Variants in SYT9 observed in about 807,000 individuals in gnomAD.
SYT9 encodes the protein synaptotagmin-9.
A neutral mutation model predicts 48.4 loss-of-function variants in SYT9; 22 were observed. The observed-to-expected ratio is 0.45, with a 90% CI of 0.32 to 0.65. The LOEUF (loss-of-function observed/expected upper bound fraction) is 0.65. Ranked by LOEUF, SYT9 falls within the 30% of genes least tolerant of loss-of-function variation. SYT9 has a pLI of 0.03. For missense variants in SYT9, 577 were observed against 622.0 expected (o/e 0.93, Z 0.77); for synonymous variants, 265 against 245.0 (o/e 1.08, Z -0.76).
intron 3 of SYT9, among the ~76,000 whole-genome samples, chr11:7,330,873 T>C (rs1220910169): frequency 6.6e-6 from 1 of 152,106 alleles, no homozygotes. Flanking sequence ...ATTTTTGTAT[T>C]TTTAGTAGAG....
At chr11:7,370,043 C>T (rs968171767) in intron 3 of SYT9, among the ~76,000 whole-genome samples, 1 of 151,986 alleles carries the variant, frequency 6.6e-6, no homozygotes, top group Non-Finnish European at 1.5e-5. Context: ...TTCTATCGCT[C>T]ACCCCACTCC....
In SYT9 at chr11:7,416,092, G is replaced by T. The variant is rs767582960; in HGVS notation, c.1095G>T (p.Thr365=). Reference sequence around the variant, plus strand: ...TGTTTTCCCTGTGCTATCTTCCAACGGCTGGCAGGCTGACCATTACCATTA... The same window carrying T: ...TGTTTTCCCTGTGCTATCTTCCAACTGCTGGCAGGCTGACCATTACCATTA... ...ELMFSLCYLP[T]AGRLTITIIK... is the part of the protein sequence containing the mutation. The change falls in exon 4 of 7, where the codon ACG becomes ACT. Residue 365 remains threonine, a synonymous_variant. Transcript: ENST00000318881. 7 of 1,614,134 alleles carry T rather than the reference G, an allele frequency of 4.3e-6. No homozygotes were observed. In the Middle Eastern group the frequency reaches 1.2e-3, roughly 266 times the overall value.
At chr11:7,361,206 G>A (rs1366654726) in intron 3 of SYT9, among the ~76,000 whole-genome samples, 2 of 111,928 alleles carry the variant, frequency 1.8e-5, no homozygotes, top group Non-Finnish European at 3.6e-5. Flanking sequence ...GTTGCAGTTT[G>A]TCTTTTTTCC....
intron 1 of SYT9, among the ~76,000 whole-genome samples, chr11:7,274,971 A>G (rs1426361727): frequency 6.6e-6 from 1 of 151,200 alleles, no homozygotes; most frequent in Non-Finnish European, 1.5e-5. Context: ...ATTTTGGGAG[A>G]GCTTCCTGGA....
At chr11:7,400,894 C>A in intron 3 of SYT9, among the ~76,000 whole-genome samples, 1 of 152,108 alleles carries the variant, frequency 6.6e-6, no homozygotes. Context: ...TAGGTGGAGA[C>A]TGAAAGCCTG....
intron 6 of SYT9, chr11:7,454,075 G>C: frequency 1.0e-6 from 1 of 985,410 alleles, no homozygotes; most frequent in South Asian, 4.7e-5. Context: ...GTCCAGGTGA[G>C]TCGCCCCTTT....
chr11:7,445,507 A>G (rs967942081), intron 6 of SYT9, among the ~76,000 whole-genome samples: 1 of 152,092 alleles, frequency 6.6e-6, no homozygotes, highest in Non-Finnish European at 1.5e-5. Flanking sequence ...TCATGGCTCC[A>G]GCCTGGTGCT....
At chr11:7,409,652 A>C (rs1847095193) in intron 3 of SYT9, among the ~76,000 whole-genome samples, 1 of 151,926 alleles carries the variant, frequency 6.6e-6, no homozygotes, top group South Asian at 2.1e-4. Flanking sequence ...CTGGTTTGTT[A>C]GTGTACAGTT....
chr11:7,277,233 A>G (rs1848413853), intron 1 of SYT9, among the ~76,000 whole-genome samples: 1 of 152,246 alleles, frequency 6.6e-6, no homozygotes, highest in African/African-American at 2.4e-5. Flanking sequence ...TGAATAAATG[A>G]AAGAATAATG....
chr11:7,241,178 C>A (rs1158809795), intron 1 of SYT9, among the ~76,000 whole-genome samples: 1 of 151,522 alleles, frequency 6.6e-6, no homozygotes, highest in Non-Finnish European at 1.5e-5. Context: ...TTACTCTATT[C>A]CCAACAAGAA....
chr11:7,265,661 A>G (rs1014319913), intron 1 of SYT9, among the ~76,000 whole-genome samples: 2 of 125,868 alleles, frequency 1.6e-5, no homozygotes, highest in Non-Finnish European at 3.3e-5. Flanking sequence ...ACTATCTATC[A>G]TGGATTCTTT....
intron 3 of SYT9, among the ~76,000 whole-genome samples, chr11:7,387,756 A>G (rs1850689224): frequency 6.6e-6 from 1 of 152,074 alleles, no homozygotes; most frequent in South Asian, 2.1e-4. Context: ...ATTTCATCAC[A>G]TTTTCTACAT....
intron 3 of SYT9, among the ~76,000 whole-genome samples, chr11:7,350,639 A>G (rs901572717): frequency 2.0e-5 from 3 of 152,156 alleles, no homozygotes; most frequent in Non-Finnish European, 4.4e-5. Flanking sequence ...GGCTTATGTT[A>G]GAGCTCATTC....
At chr11:7,439,558 G>A (rs1847786580) in intron 6 of SYT9, 2 of 152,346 alleles carry the variant, frequency 1.3e-5, no homozygotes, top group South Asian at 4.1e-4. Flanking sequence ...CAAGTCAAAA[G>A]ACAGGCTGCA....
intron 1 of SYT9, 29 bp from the exon 2 acceptor site, chr11:7,303,010 A>G (rs372019446): frequency 6.9e-6 from 11 of 1,600,690 alleles, no homozygotes; most frequent in African/African-American, 1.3e-5. Context: ...GAATGACCAC[A>G]CTGACCTTTG....
intron 3 of SYT9, among the ~76,000 whole-genome samples, chr11:7,319,817 A>G (rs58313258): frequency 0.018 from 2,768 of 152,250 alleles, 105 homozygotes; most frequent in African/African-American, 0.064. Context: ...CCAGAGACTC[A>G]CATTTACCTC....
chr11:7,367,448 G>A (rs936769884), intron 3 of SYT9, among the ~76,000 whole-genome samples: 15 of 152,022 alleles, frequency 9.9e-5, no homozygotes, highest in Non-Finnish European at 2.2e-4. Flanking sequence ...CTGTTATTTA[G>A]TGTAGACCTC....
chr11:7,383,407 C>T (rs991195298), intron 3 of SYT9, among the ~76,000 whole-genome samples: 4 of 152,170 alleles, frequency 2.6e-5, no homozygotes, highest in African/African-American at 9.7e-5. Flanking sequence ...GCTCACTGGA[C>T]ATTTGATCCA....
chr11:7,303,328 G>A lies in SYT9; in HGVS notation c.435G>A (p.Gln145=), dbSNP rs1301288877. The change falls in exon 2 of 7, where the codon CAG becomes CAA. Residue 145 remains glutamine, a synonymous_variant. Coordinates refer to ENST00000318881, the MANE Select transcript of SYT9 (RefSeq NM_175733.4). ...DIPLSTQTGI[Q]ENCAHGVRVQ... ...CCCTCTCCACCCAGACGGGGATCCAGGAGAACTGTGCCCATGGCGTCCGCG... is the reference window on the plus strand; with the variant it reads ...CCCTCTCCACCCAGACGGGGATCCAAGAGAACTGTGCCCATGGCGTCCGCG... 1 of 1,613,610 alleles carries A rather than the reference G, an allele frequency of 6.2e-7. No homozygotes were observed. The highest frequency in any genetic ancestry group is 1.3e-5 in the African/African-American group (1 of 74,930).
Sources: gnomAD v4.1 joint callset for allele counts (sites outside exome capture counted in the v4.1 genomes callset) on GRCh38, gnomAD v4.1.1 for gene constraint, MANE v1.5 for transcripts, NCBI Gene and HGNC (gene_info 2026-07-23, HGNC 2026-07-21) for gene names.